Variants in OXR1 observed in about 807,000 individuals in gnomAD.
OXR1 encodes oxidation resistance 1.
OXR1 carries 41 observed loss-of-function variants against 104.6 expected under a neutral mutation model. The ratio of observed to expected loss-of-function variants is 0.39; its 90% CI spans 0.31 to 0.51. The LOEUF (loss-of-function observed/expected upper bound fraction) is 0.51. Ranked by LOEUF, OXR1 falls within the 20% of genes least tolerant of loss-of-function variation. OXR1 has a pLI of 0.77. For missense variants in OXR1, 955 were observed against 1,031.9 expected (o/e 0.93, Z 1.02); for synonymous variants, 348 against 348.4 (o/e 1.00, Z 0.01).
chr8:106,629,363 C>A (rs528795508), intron 3 of OXR1, among the ~76,000 whole-genome samples: 1 of 152,134 alleles, frequency 6.6e-6, no homozygotes, highest in South Asian at 2.1e-4. Flanking sequence ...TGAGAACTTA[C>A]AGGAGATCAA....
At chr8:106,329,394 C>T (rs1814618178) in intron 1 of OXR1, among the ~76,000 whole-genome samples, 1 of 150,348 alleles carries the variant, frequency 6.7e-6, no homozygotes, top group African/African-American at 2.5e-5. Context: ...GTCGCCCGGG[C>T]TGGAGTGCAG....
intron 2 of OXR1, among the ~76,000 whole-genome samples, chr8:106,508,674 G>A (rs1812330201): frequency 6.6e-6 from 1 of 152,208 alleles, no homozygotes; most frequent in South Asian, 2.1e-4. Context: ...TCAATAGGAT[G>A]ATTTAGTTTG....
At chr8:106,351,793 T>C (rs1380406858) in intron 1 of OXR1, among the ~76,000 whole-genome samples, 1 of 152,206 alleles carries the variant, frequency 6.6e-6, no homozygotes, top group African/African-American at 2.4e-5. Context: ...GTCATCATCA[T>C]TGTATGAACT....
chr8:106,712,376 T>C (rs1831786899), intron 10 of OXR1, among the ~76,000 whole-genome samples: 1 of 152,056 alleles, frequency 6.6e-6, no homozygotes, highest in African/African-American at 2.4e-5. Context: ...CTAAAAGTTT[T>C]TATACTGTAG....
intron 3 of OXR1, among the ~76,000 whole-genome samples, chr8:106,609,321 C>CAAAGAA (rs1820639289): frequency 6.6e-6 from 1 of 152,076 alleles, no homozygotes. Flanking sequence ...TTCTTGCTCA[C>CAAAGAA]AAAGAAGCAT....
At chr8:106,499,335 G>A (rs1240359279) in intron 2 of OXR1, among the ~76,000 whole-genome samples, 5 of 152,062 alleles carry the variant, frequency 3.3e-5, no homozygotes, top group Non-Finnish European at 7.4e-5. Flanking sequence ...GTTATTTCTA[G>A]TGGTCTTTAT....
intron 16 of OXR1, among the ~76,000 whole-genome samples, chr8:106,746,842 T>A (rs1835437743): frequency 6.6e-6 from 1 of 152,148 alleles, no homozygotes. Context: ...TACATGTGAT[T>A]CTGTTAGCTC....
At chr8:106,666,627 T>A (rs970228518) in intron 3 of OXR1, among the ~76,000 whole-genome samples, 1 of 152,066 alleles carries the variant, frequency 6.6e-6, no homozygotes, top group Admixed American at 6.6e-5. Flanking sequence ...TAAGGATAGA[T>A]GGATGGACAA....
At chr8:106,422,556 T>C (rs1818948762) in intron 2 of OXR1, among the ~76,000 whole-genome samples, 1 of 152,094 alleles carries the variant, frequency 6.6e-6, no homozygotes, top group Non-Finnish European at 1.5e-5. Context: ...AGTAATAATA[T>C]CTTCACTTTA....
intron 2 of OXR1, among the ~76,000 whole-genome samples, chr8:106,463,630 C>G (rs1374055494): frequency 1.3e-5 from 2 of 152,024 alleles, no homozygotes; most frequent in African/African-American, 4.8e-5. Context: ...ATGTTGGGAG[C>G]ACAGCGAGGC....
In OXR1 at chr8:106,572,012, G is replaced by A. The variant is rs989381622; in HGVS notation, c.220+52873G>A. On this transcript the variant is annotated intron_variant, in intron 3 of 16. Transcript: ENST00000517566. Reference sequence around the variant, plus strand: ...CTTGATGGGGTAGCCCTGCCCATTTGGCCTGGGATTGCTGCCCCTGTGGCT... The same window carrying A: ...CTTGATGGGGTAGCCCTGCCCATTTAGCCTGGGATTGCTGCCCCTGTGGCT... Among the ~76,000 whole-genome samples the A allele has an allele frequency of 3.9e-5, 6 of 152,118 alleles. No individual in the cohort carries two copies. The South Asian group carries it at 8.3e-4, about 21-fold the overall frequency.
chr8:106,359,349 A>C (rs1453729686), intron 1 of OXR1, 127 bp from the exon 2 acceptor site: 1 of 378,042 alleles, frequency 2.6e-6, no homozygotes, highest in Non-Finnish European at 4.8e-6. Flanking sequence ...TTATATTTTA[A>C]GAAAAAGATC....
At chr8:106,372,952 A>G (rs1816768683) in intron 2 of OXR1, among the ~76,000 whole-genome samples, 1 of 152,234 alleles carries the variant, frequency 6.6e-6, no homozygotes, top group South Asian at 2.1e-4. Context: ...GATATCCATG[A>G]GTTCCATATT....
At chr8:106,635,872 G>A (rs1823089638) in intron 3 of OXR1, among the ~76,000 whole-genome samples, 2 of 152,144 alleles carry the variant, frequency 1.3e-5, no homozygotes, top group African/African-American at 2.4e-5. Context: ...ATTGGTCTGG[G>A]GCAGTTTTAG....
Position 106,492,793 on chromosome 8 carries a change from A to G in OXR1, c.24-26150A>G, listed in dbSNP as rs78041793. The stretch of plus-strand genomic sequence containing the variant: ...ACTCTCAGGCCAATTAACCTCTCAA[A>G]TAGTATATGTTCCATATTAATGCTT... On this transcript the variant is annotated intron_variant, in intron 2 of 16. Coordinates refer to ENST00000517566, the MANE Select transcript of OXR1 (RefSeq NM_001198533.2). 5.4e-4 allele frequency among the ~76,000 whole-genome samples: 83 copies of G among 152,298 alleles called. No individual in the cohort carries two copies. In the East Asian group the frequency reaches 0.015, roughly 28 times the overall value.
chr8:106,690,558 G>A (rs1369682769), intron 6 of OXR1, among the ~76,000 whole-genome samples: 1 of 149,562 alleles, frequency 6.7e-6, no homozygotes, highest in African/African-American at 2.4e-5. Flanking sequence ...CAAGAAATGG[G>A]TAAATTACTA....
intron 3 of OXR1, among the ~76,000 whole-genome samples, chr8:106,525,661 A>G (rs1157461178): frequency 6.6e-6 from 1 of 152,230 alleles, no homozygotes; most frequent in Non-Finnish European, 1.5e-5. Flanking sequence ...GCTCCTGAAT[A>G]GGTCCAAAAG....
intron 2 of OXR1, among the ~76,000 whole-genome samples, chr8:106,389,521 T>C (rs1817512771): frequency 6.6e-6 from 1 of 152,204 alleles, no homozygotes; most frequent in South Asian, 2.1e-4. Context: ...AAATCCTTTT[T>C]CAGTAATTCA....
At chr8:106,373,075 G>T (rs989656365) in intron 2 of OXR1, among the ~76,000 whole-genome samples, 10 of 152,180 alleles carry the variant, frequency 6.6e-5, no homozygotes, top group African/African-American at 2.4e-4. Context: ...CATGAATGAA[G>T]TAATGTGTAG....
Sources: allele counts gnomAD v4.1 joint callset (sites outside exome capture counted in the v4.1 genomes callset), GRCh38; gene constraint gnomAD v4.1.1; transcripts MANE v1.5; gene names NCBI Gene and HGNC (gene_info 2026-07-23, HGNC 2026-07-21).